The following FARP2 variants were observed in gnomAD, a reference collection of about 807,000 sequenced individuals.
The protein encoded by FARP2 is FERM, ARH/RhoGEF and pleckstrin domain protein 2, also known as FERM, ARHGEF and pleckstrin domain-containing protein 2.
A neutral mutation model predicts 130.5 loss-of-function variants in FARP2; 111 were observed. The ratio of observed to expected loss-of-function variants is 0.85; its 90% CI spans 0.73 to 1.00. FARP2 has a LOEUF of 1.00. Ranked by LOEUF, FARP2 falls within the 50% of genes least tolerant of loss-of-function variation. The probability of loss-of-function intolerance (pLI) is 0.00; values close to 1 mark genes in which losing one functional copy is unlikely to be tolerated. For synonymous variants in FARP2, 504 were observed against 516.9 expected (o/e 0.98, Z 0.34); for missense variants, 1,385 against 1,346.3 (o/e 1.03, Z -0.45).
At chr2:241,456,472 AG>A (rs932932004) in intron 13 of FARP2, 4 of 360,572 alleles carry the variant, frequency 1.1e-5, no homozygotes, top group Admixed American at 9.2e-5. Context: ...TAGAAACACA[AG>A]GTTGGTATCC....
intron 13 of FARP2, among the ~76,000 whole-genome samples, chr2:241,456,242 G>A (rs1354951745): frequency 6.6e-6 from 1 of 152,124 alleles, no homozygotes; most frequent in Non-Finnish European, 1.5e-5. Flanking sequence ...CATGAATTGA[G>A]CAGTTTTATA....
Position 241,493,015 on chromosome 2 carries a change from GTTC to G in FARP2, c.2879_2881del (p.Phe960del), listed in dbSNP as rs775531082. 6.9e-6 allele frequency: 11 copies of G among 1,604,568 alleles called. No individual in the cohort carries two copies. The highest frequency in any genetic ancestry group is 5.4e-5 in the African/African-American group (4 of 74,752). ...GGGTCGTCTTTACCAACTTCTGTTTGTTCTTCTACAAAACTCATCAGGTACTGG... is the reference window on the plus strand; with the variant it reads ...GGGTCGTCTTTACCAACTTCTGTTTGTTCTACAAAACTCATCAGGTACTGG... On this transcript the variant is annotated inframe_deletion, in exon 25 of 27. Coordinates refer to ENST00000264042, the MANE Select transcript of FARP2 (RefSeq NM_014808.4).
chr2:241,406,562 T>A (rs892624197), intron 4 of FARP2, among the ~76,000 whole-genome samples: 7 of 151,656 alleles, frequency 4.6e-5, no homozygotes, highest in African/African-American at 1.7e-4. Context: ...TCCTCCCACC[T>A]TGGCCTCCCA....
chr2:241,431,184 T>C (rs1285303279), intron 8 of FARP2, among the ~76,000 whole-genome samples: 8 of 152,176 alleles, frequency 5.3e-5, no homozygotes, highest in Non-Finnish European at 1.0e-4. Context: ...AGCAGCTTTC[T>C]TTTGGTCAGT....
intron 12 of FARP2, 144 bp from the exon 13 acceptor site, chr2:241,441,160 G>A (rs1029663814): frequency 2.2e-5 from 15 of 679,756 alleles, no homozygotes; most frequent in Non-Finnish European, 3.7e-5. Flanking sequence ...GTTCTACAAG[G>A]GAAAGTCTAG....
chr2:241,453,309 G>A (rs547843594), intron 13 of FARP2, among the ~76,000 whole-genome samples: 2 of 151,138 alleles, frequency 1.3e-5, no homozygotes, highest in South Asian at 2.1e-4. Context: ...CAACCTGGGC[G>A]ACAGAGACTT....
At chr2:241,484,022 G>A (rs2064691534) in intron 20 of FARP2, 1 of 1,350,670 alleles carries the variant, frequency 7.4e-7, no homozygotes, top group Non-Finnish European at 9.6e-7. Context: ...AGCCAAGCTA[G>A]CTGGGAGCTG....
At chr2:241,423,391 C>G (rs2062858316) in intron 8 of FARP2, among the ~76,000 whole-genome samples, 1 of 152,148 alleles carries the variant, frequency 6.6e-6, no homozygotes, top group Non-Finnish European at 1.5e-5. Context: ...AAATAAGATT[C>G]TTTTCAGACA....
At chr2:241,374,872 G>C (rs1018616553) in intron 2 of FARP2, among the ~76,000 whole-genome samples, 1 of 152,190 alleles carries the variant, frequency 6.6e-6, no homozygotes, top group Non-Finnish European at 1.5e-5. Context: ...AGTAGCAGTC[G>C]GCTGCCCTTT....
intron 13 of FARP2, among the ~76,000 whole-genome samples, chr2:241,451,305 A>C (rs562069767): frequency 6.6e-6 from 1 of 152,292 alleles, no homozygotes; most frequent in African/African-American, 2.4e-5. Flanking sequence ...TTCAGATGTT[A>C]TTCTTTTCCC....
intron 12 of FARP2, among the ~76,000 whole-genome samples, chr2:241,437,912 G>T (rs1201486726): frequency 1.3e-5 from 2 of 151,976 alleles, no homozygotes; most frequent in Non-Finnish European, 2.9e-5. Flanking sequence ...TGATCTGCCC[G>T]CCTCGGCCTC....
chr2:241,377,423 G>T (rs1023744646), intron 2 of FARP2, among the ~76,000 whole-genome samples: 1 of 150,800 alleles, frequency 6.6e-6, no homozygotes, highest in East Asian at 2.0e-4. Context: ...CTCACTGCAA[G>T]CTCCGCTTCC....
chr2:241,375,172 C>G (rs1232559594), intron 2 of FARP2, among the ~76,000 whole-genome samples: 1 of 152,020 alleles, frequency 6.6e-6, no homozygotes, highest in Non-Finnish European at 1.5e-5. Flanking sequence ...AGTATGGTCT[C>G]GATCCCCTGA....
intron 1 of FARP2, among the ~76,000 whole-genome samples, chr2:241,364,567 C>T (rs937844355): frequency 6.6e-6 from 1 of 152,138 alleles, no homozygotes; most frequent in African/African-American, 2.4e-5. Flanking sequence ...TATAAAGCCC[C>T]TATTATTAAA....
chr2:241,474,838 A>AAAAG (rs1553734037), intron 18 of FARP2, among the ~76,000 whole-genome samples: 2 of 149,782 alleles, frequency 1.3e-5, no homozygotes, highest in East Asian at 1.9e-4. Flanking sequence ...TAAATAAATA[A>AAAAG]AAAGAAAGAA....
chr2:241,481,002 TGA>T (rs2064600173), intron 19 of FARP2, among the ~76,000 whole-genome samples: 1 of 148,262 alleles, frequency 6.7e-6, no homozygotes, highest in African/African-American at 2.5e-5. Context: ...AAGGATCACT[TGA>T]GGCCAGGAGA....
chr2:241,470,200 T>G lies in FARP2; in HGVS notation c.2131+1823T>G, dbSNP rs2064271863. ...TTCTCTTGGACAAAAGGGAGTACAT[T>G]TGTTGGGGCTGGCAGAAGCCAGCCT... On this transcript the variant is annotated intron_variant, in intron 18 of 26. Coordinates refer to ENST00000264042, the MANE Select transcript of FARP2 (RefSeq NM_014808.4). Among the ~76,000 whole-genome samples the G allele has an allele frequency of 2.0e-5, 3 of 152,242 alleles. No individual in the cohort carries two copies. In the South Asian group the frequency reaches 6.2e-4, roughly 31 times the overall value.
chr2:241,415,001 C>A (rs994105601), intron 7 of FARP2, among the ~76,000 whole-genome samples: 1 of 152,226 alleles, frequency 6.6e-6, no homozygotes, highest in African/African-American at 2.4e-5. Context: ...CAATTACGGA[C>A]AGCTCTTACG....
intron 1 of FARP2, among the ~76,000 whole-genome samples, chr2:241,357,052 C>T (rs1298350189): frequency 1.3e-5 from 2 of 152,200 alleles, no homozygotes; most frequent in Non-Finnish European, 2.9e-5. Flanking sequence ...GCACCTTTTC[C>T]GTTTACGCTA....
Sources: allele counts gnomAD v4.1 joint callset (sites outside exome capture counted in the v4.1 genomes callset), GRCh38; gene constraint gnomAD v4.1.1; transcripts MANE v1.5; gene names NCBI Gene and HGNC (gene_info 2026-07-23, HGNC 2026-07-21).